Variants in CCDC122 observed in about 807,000 individuals in gnomAD.
The protein encoded by CCDC122 is coiled-coil domain containing 122, also known as coiled-coil domain-containing protein 122.
In CCDC122, 38 loss-of-function variants were observed where a neutral mutation model predicts 37.0. The ratio of observed to expected loss-of-function variants is 1.03; its 90% CI spans 0.79 to 1.35. The LOEUF (loss-of-function observed/expected upper bound fraction) is 1.35, where lower values mean the gene tolerates loss of function less well. CCDC122 is among the 40% of genes most tolerant of loss of function. The probability of loss-of-function intolerance (pLI) is 0.00; values close to 1 mark genes in which losing one functional copy is unlikely to be tolerated. For missense variants in CCDC122, 305 were observed against 310.0 expected (o/e 0.98, Z 0.12); for synonymous variants, 83 against 95.6 (o/e 0.87, Z 0.77).
At chr13:43,842,349 A>C (rs1953384384) in intron 6 of CCDC122, among the ~76,000 whole-genome samples, 1 of 152,088 alleles carries the variant, frequency 6.6e-6, no homozygotes. Flanking sequence ...CAAATTGACA[A>C]AATATGATTA....
In CCDC122 at chr13:43,853,317, G is replaced by GA. The variant is rs545178025; in HGVS notation, c.672+5463dup. Among the ~76,000 whole-genome samples, 4 of 151,468 alleles carry GA rather than the reference G, an allele frequency of 2.6e-5. No individual in the cohort carries two copies. The East Asian group carries it at 5.8e-4, about 22-fold the overall frequency. ...AATCCACCAAGCAAATGGAAAAACA[G>GA]AAAAAAAATCAGGAGTTGCAATCCT... On this transcript the variant is annotated intron_variant, in intron 6 of 6. Coordinates refer to ENST00000444614, the MANE Select transcript of CCDC122 (RefSeq NM_144974.5).
At chr13:43,828,901 T>A (rs1365853819) in intron 3 of CCDC122, among the ~76,000 whole-genome samples, 1 of 152,236 alleles carries the variant, frequency 6.6e-6, no homozygotes, top group Non-Finnish European at 1.5e-5. Flanking sequence ...AAGCTACAAA[T>A]TTTGAGGACT....
chr13:43,823,275 C>T (rs1412621021), downstream of CCDC122, among the ~76,000 whole-genome samples: 12 of 152,026 alleles, frequency 7.9e-5, no homozygotes, highest in Non-Finnish European at 1.8e-4. Context: ...CATGACTCTG[C>T]CTGATGTCCT....
intron 2 of CCDC122, among the ~76,000 whole-genome samples, chr13:43,873,788 T>G (rs981267956): frequency 2.0e-5 from 3 of 152,178 alleles, no homozygotes; most frequent in Non-Finnish European, 2.9e-5. Flanking sequence ...TAACTCTCTT[T>G]CACCCTTGCC....
chr13:43,835,658 T>C (rs1472575618), downstream of CCDC122, among the ~76,000 whole-genome samples: 1 of 152,218 alleles, frequency 6.6e-6, no homozygotes, highest in Non-Finnish European at 1.5e-5. Context: ...TTTGAATCTA[T>C]AACTCAAGGT....
chr13:43,858,947 T>C lies in CCDC122; in HGVS notation c.556-50A>G, dbSNP rs765411178. 8 of 1,292,548 alleles carry C rather than the reference T, an allele frequency of 6.2e-6. No homozygotes were observed. The East Asian group carries it at 2.1e-4, about 34-fold the overall frequency. The allele number at this position is 1,292,548 out of a possible 1,614,324, so 80.1% of individuals were successfully genotyped here. On this transcript the variant is annotated intron_variant, in intron 5 of 6. Coordinates refer to ENST00000444614, the MANE Select transcript of CCDC122 (RefSeq NM_144974.5). ...ATAGAAGTCAAAAAAGGATGATCAATATAAATCCAATTTTTCAGTGTTTCT... is the reference window on the plus strand; with the variant it reads ...ATAGAAGTCAAAAAAGGATGATCAACATAAATCCAATTTTTCAGTGTTTCT...
chr13:43,826,576 C>A (rs926508273), intron 3 of CCDC122, among the ~76,000 whole-genome samples: 1 of 152,136 alleles, frequency 6.6e-6, no homozygotes, highest in African/African-American at 2.4e-5. Context: ...AATTTGCACT[C>A]TCTAAGGCCT....
chr13:43,857,570 C>T (rs970687734), intron 6 of CCDC122, among the ~76,000 whole-genome samples: 10 of 151,962 alleles, frequency 6.6e-5, no homozygotes, highest in African/African-American at 1.9e-4. Flanking sequence ...GTTTTTACCA[C>T]TCAAGGATGC....
chr13:43,823,242 C>T (rs142779896), downstream of CCDC122, among the ~76,000 whole-genome samples: 1 of 152,182 alleles, frequency 6.6e-6, no homozygotes, highest in Non-Finnish European at 1.5e-5. Flanking sequence ...AATCCACTAG[C>T]TAGGGCTTGG....
At chr13:43,838,602 C>T (rs1953241759) in intron 6 of CCDC122, among the ~76,000 whole-genome samples, 1 of 152,106 alleles carries the variant, frequency 6.6e-6, no homozygotes, top group South Asian at 2.1e-4. Context: ...AGTTACCAAC[C>T]ACAGGTTCTT....
chr13:43,862,967 TCCC>T (rs1954159664), intron 4 of CCDC122, among the ~76,000 whole-genome samples: 1 of 152,166 alleles, frequency 6.6e-6, no homozygotes, highest in African/African-American at 2.4e-5. Flanking sequence ...CCTCTTTTCC[TCCC>T]TCTTCCTCTT....
intron 5 of CCDC122, among the ~76,000 whole-genome samples, chr13:43,859,468 C>T (rs1472180018): frequency 6.6e-6 from 1 of 151,898 alleles, no homozygotes; most frequent in Non-Finnish European, 1.5e-5. Context: ...GTGGATGTTT[C>T]CTTTATGCAT....
At chr13:43,853,371 G>A (rs1343327351) in intron 6 of CCDC122, among the ~76,000 whole-genome samples, 2 of 151,960 alleles carry the variant, frequency 1.3e-5, no homozygotes, top group Middle Eastern at 3.2e-3. Context: ...CTTTAAACCA[G>A]CAAAGATTTA....
At chr13:43,825,748 C>T (rs932556473) in intron 3 of CCDC122, among the ~76,000 whole-genome samples, 1 of 124,300 alleles carries the variant, frequency 8.0e-6, no homozygotes, top group Admixed American at 1.1e-4. Flanking sequence ...ACAGCCTGGG[C>T]GACGGAGTGA....
At chr13:43,830,852 T>G (rs1953082666) in intron 3 of CCDC122, among the ~76,000 whole-genome samples, 1 of 152,156 alleles carries the variant, frequency 6.6e-6, no homozygotes, top group South Asian at 2.1e-4. Flanking sequence ...AACTTATGGC[T>G]GTGTAGGGAC....
chr13:43,829,299 ATTTTAT>A (rs942763888), intron 3 of CCDC122, among the ~76,000 whole-genome samples: 20 of 152,048 alleles, frequency 1.3e-4, no homozygotes, highest in South Asian at 6.2e-4. Context: ...AGAATTGCTC[ATTTTAT>A]TTTTATTTTT....
At chr13:43,862,652 G>T (rs1380492687) in intron 4 of CCDC122, among the ~76,000 whole-genome samples, 1 of 152,092 alleles carries the variant, frequency 6.6e-6, no homozygotes, top group African/African-American at 2.4e-5. Flanking sequence ...CTGACACAAA[G>T]TAGGTGCTCA....
At chr13:43,837,999 T>C (rs1033917016) in intron 6 of CCDC122, among the ~76,000 whole-genome samples, 3 of 152,140 alleles carry the variant, frequency 2.0e-5, no homozygotes, top group Admixed American at 6.6e-5. Context: ...CCGCTGACTA[T>C]ACCATATTCA....
chr13:43,858,780 C>A lies in CCDC122; in HGVS notation c.672+1G>T. On this transcript the variant is annotated splice_donor_variant, in intron 6 of 6. Coordinates refer to ENST00000444614, the MANE Select transcript of CCDC122 (RefSeq NM_144974.5). LOFTEE classifies it high-confidence loss of function. ...TTGAAATCTAGATAATTAAGACTTACCTCTATTTCTTTTCTTAATTTTTCA... is the reference window on the plus strand; with the variant it reads ...TTGAAATCTAGATAATTAAGACTTAACTCTATTTCTTTTCTTAATTTTTCA... 1 of 1,405,538 alleles carries A rather than the reference C, an allele frequency of 7.1e-7. No homozygotes were observed. The highest frequency in any genetic ancestry group is 2.5e-5 in the East Asian group (1 of 39,384). 87.1% of individuals were successfully genotyped at this position (1,405,538 alleles called of 1,614,324 possible). A position where few individuals can be genotyped will look rare whatever the true frequency, so the allele number is the denominator to read the frequency against.
Sources: gnomAD v4.1 joint callset for allele counts (sites outside exome capture counted in the v4.1 genomes callset) on GRCh38, gnomAD v4.1.1 for gene constraint, MANE v1.5 for transcripts, NCBI Gene and HGNC (gene_info 2026-07-23, HGNC 2026-07-21) for gene names.